Variants in TMEM117 observed in about 807,000 individuals in gnomAD.
TMEM117 encodes transmembrane protein 117.
In TMEM117, 27 loss-of-function variants were observed where a neutral mutation model predicts 52.4. The observed-to-expected ratio is 0.51, with a 90% CI of 0.38 to 0.71. TMEM117 has a LOEUF of 0.71. TMEM117 is among the 30% of genes least tolerant of loss of function. TMEM117 has a pLI of 0.00. For missense variants in TMEM117, 556 were observed against 630.5 expected, an observed-to-expected ratio of 0.88 and a Z score of 1.26; for synonymous variants, 215 against 206.3, an observed-to-expected ratio of 1.04 and a Z score of -0.36.
chr12:44,059,479 A>G (rs1484026253), intron 3 of TMEM117, among the ~76,000 whole-genome samples: 1 of 152,186 alleles, frequency 6.6e-6, no homozygotes, highest in Non-Finnish European at 1.5e-5. Flanking sequence ...TTGTTTAAGA[A>G]TGTGTGATAA....
chr12:43,826,519 GTT>G, the TMEM117 span, among the ~76,000 whole-genome samples: 1 of 152,128 alleles, frequency 6.6e-6, no homozygotes, highest in African/African-American at 2.4e-5. Context: ...TCCTGCTACT[GTT>G]TTCTGCTCAT....
At chr12:44,215,617 A>T (rs1362333945) in intron 5 of TMEM117, among the ~76,000 whole-genome samples, 1 of 152,088 alleles carries the variant, frequency 6.6e-6, no homozygotes, top group Non-Finnish European at 1.5e-5. Flanking sequence ...AAGTAATATG[A>T]TATTCATGTT....
chr12:43,806,802 G>T, the TMEM117 span, among the ~76,000 whole-genome samples: 3 of 152,094 alleles, frequency 2.0e-5, no homozygotes, highest in Non-Finnish European at 4.4e-5. Flanking sequence ...ATTTTTCCAC[G>T]ATTTTAAATT....
At chr12:44,152,806 A>AT (rs1192587655) in intron 4 of TMEM117, among the ~76,000 whole-genome samples, 1 of 143,132 alleles carries the variant, frequency 7.0e-6, no homozygotes, top group East Asian at 2.0e-4. Context: ...TATATACATT[A>AT]TGTTTATATG....
intron 3 of TMEM117, among the ~76,000 whole-genome samples, chr12:44,032,049 A>G (rs1443693700): frequency 1.1e-4 from 16 of 152,158 alleles, no homozygotes; most frequent in Admixed American, 1.0e-3. Flanking sequence ...TTATCCTGGG[A>G]CCTCATAAGG....
intron 5 of TMEM117, among the ~76,000 whole-genome samples, chr12:44,240,339 C>T (rs1950046682): frequency 6.6e-6 from 1 of 152,074 alleles, no homozygotes; most frequent in African/African-American, 2.4e-5. Context: ...CCTTTTAAGG[C>T]CATTTCCCAA....
At chr12:43,909,900 A>G (rs1292153052) in intron 2 of TMEM117, among the ~76,000 whole-genome samples, 1 of 133,056 alleles carries the variant, frequency 7.5e-6, no homozygotes, top group African/African-American at 2.6e-5. Context: ...TTCACAGCCA[A>G]ATTCTATCAG....
intron 2 of TMEM117, among the ~76,000 whole-genome samples, chr12:43,892,723 C>T (rs976972571): frequency 2.0e-5 from 3 of 151,952 alleles, no homozygotes; most frequent in African/African-American, 7.3e-5. Context: ...GATACTGGGG[C>T]TACAGTGATA....
At chr12:44,320,915 A>G (rs777775310) in intron 6 of TMEM117, among the ~76,000 whole-genome samples, 7 of 152,224 alleles carry the variant, frequency 4.6e-5, no homozygotes, top group Non-Finnish European at 8.8e-5. Context: ...ATGTTGGCTG[A>G]ATTTAGACCA....
chr12:43,850,381 G>A (rs879214586), intron 2 of TMEM117, among the ~76,000 whole-genome samples: 7 of 152,274 alleles, frequency 4.6e-5, no homozygotes, highest in East Asian at 1.9e-4. Flanking sequence ...ATTGATATCC[G>A]AAGCTATTTA....
At chr12:44,136,450 GT>G (rs2138183144) in intron 3 of TMEM117, among the ~76,000 whole-genome samples, 1 of 152,166 alleles carries the variant, frequency 6.6e-6, no homozygotes, top group East Asian at 1.9e-4. Context: ...TTTAGAATTA[GT>G]TTTGAGGCTA....
chr12:44,379,556 C>T (rs1378362285), intron 7 of TMEM117, among the ~76,000 whole-genome samples: 1 of 152,138 alleles, frequency 6.6e-6, no homozygotes, highest in Non-Finnish European at 1.5e-5. Context: ...GTTTCTTTTA[C>T]TCTCTCTGTT....
intron 2 of TMEM117, among the ~76,000 whole-genome samples, chr12:43,889,156 C>CACTGCA (rs1944055123): frequency 6.6e-6 from 1 of 151,042 alleles, no homozygotes; most frequent in Non-Finnish European, 1.5e-5. Flanking sequence ...GATCTTGGCT[C>CACTGCA]ACTGCAACCT....
At chr12:44,157,434 G>A (rs919632718) in intron 4 of TMEM117, among the ~76,000 whole-genome samples, 3 of 151,960 alleles carry the variant, frequency 2.0e-5, no homozygotes, top group Admixed American at 6.6e-5. Context: ...TTAAAATATC[G>A]TTCTCAATTT....
chr12:44,074,150 A>G (rs1947345521), intron 3 of TMEM117, among the ~76,000 whole-genome samples: 1 of 152,160 alleles, frequency 6.6e-6, no homozygotes, highest in South Asian at 2.1e-4. Flanking sequence ...AAAAAAACCA[A>G]CTTACCTGGA....
At chr12:44,117,996 T>A (rs1263787827) in intron 3 of TMEM117, among the ~76,000 whole-genome samples, 1 of 152,112 alleles carries the variant, frequency 6.6e-6, no homozygotes, top group Non-Finnish European at 1.5e-5. Context: ...TATCTAAATC[T>A]TCTGCCTCAT....
intron 2 of TMEM117, among the ~76,000 whole-genome samples, chr12:43,931,478 G>A (rs1178111841): frequency 1.3e-5 from 2 of 152,056 alleles, no homozygotes; most frequent in Non-Finnish European, 2.9e-5. Context: ...GAAGAGCCCG[G>A]GAATGATACT....
upstream of TMEM117, among the ~76,000 whole-genome samples, chr12:43,835,762 C>T (rs567437704): frequency 3.2e-3 from 488 of 152,264 alleles, 1 homozygote; most frequent in Non-Finnish European, 6.1e-3. Flanking sequence ...GCAGCTGCCG[C>T]TCTGCAGAGG....
intron 3 of TMEM117, among the ~76,000 whole-genome samples, chr12:44,036,703 C>T (rs1422680161): frequency 6.6e-6 from 1 of 152,148 alleles, no homozygotes. Context: ...ATTCTTGTAA[C>T]ATGTCCAAAT....
Sources: allele counts gnomAD v4.1 joint callset (sites outside exome capture counted in the v4.1 genomes callset), GRCh38; gene constraint gnomAD v4.1.1; transcripts MANE v1.5; gene names NCBI Gene and HGNC (gene_info 2026-07-23, HGNC 2026-07-21).